The following GALNT15 variants were observed in gnomAD, a reference collection of about 807,000 sequenced individuals.
GALNT15 encodes the protein polypeptide N-acetylgalactosaminyltransferase 15.
Under a neutral mutation model 66.8 loss-of-function variants are expected in GALNT15, and 67 were observed. That is an observed-to-expected ratio of 1.00 (90% CI 0.82 to 1.23). The LOEUF (loss-of-function observed/expected upper bound fraction) is 1.23, where lower values mean the gene tolerates loss of function less well. Among genes scored for constraint, GALNT15 ranks in the 50% most tolerant of loss-of-function variants. The pLI, the probability that GALNT15 is intolerant of heterozygous loss-of-function variation, is 0.00. For synonymous variants in GALNT15, 313 were observed against 311.5 expected (o/e 1.00, Z -0.05); for missense variants, 827 against 804.3 (o/e 1.03, Z -0.34).
the GALNT15 span, among the ~76,000 whole-genome samples, chr3:16,240,545 G>A: frequency 2.0e-5 from 3 of 152,074 alleles, no homozygotes; most frequent in Admixed American, 2.0e-4. Flanking sequence ...TTGCCAAGTG[G>A]GACACAAAAT....
chr3:16,192,819 A>G (rs2063593456), intron 1 of GALNT15, among the ~76,000 whole-genome samples: 1 of 152,244 alleles, frequency 6.6e-6, no homozygotes, highest in East Asian at 1.9e-4. Flanking sequence ...AAAAGTTCAT[A>G]TAAAGTTCAT....
chr3:16,247,886 A>C, the GALNT15 span, among the ~76,000 whole-genome samples: 2 of 152,160 alleles, frequency 1.3e-5, no homozygotes, highest in Non-Finnish European at 2.9e-5. Context: ...CACGTCACCC[A>C]GCACACACAG....
At position 16,200,831 on chromosome 3, in the gene GALNT15, A is replaced by T; in HGVS notation, c.911+8A>T. 6.3e-7 allele frequency: 1 copy of T among 1,593,570 alleles called. No individual in the cohort carries two copies. Among genetic ancestry groups the T allele is most frequent in the African/African-American group, 1.3e-5 (1 of 74,314 alleles). ...CAGAATAGCTGGTGACAGGTAACTT[A>T]TTCCCTGGGCTTGCAAAGCAAGACA... is the stretch of plus-strand genomic sequence containing the variant. On this transcript the variant is annotated splice_region_variant and intron_variant, in intron 3 of 9. Coordinates refer to ENST00000339732, the MANE Select transcript of GALNT15 (RefSeq NM_054110.5). The surrounding 1 kb of genome is among the most constrained non-coding windows in gnomAD (Gnocchi z 4.4).
At position 16,225,501 on chromosome 3, in the gene GALNT15, C is replaced by T. The variant is rs2063998343; in HGVS notation, c.1774-1853C>T. 1.3e-5 allele frequency among the ~76,000 whole-genome samples: 2 copies of T among 152,152 alleles called. No individual in the cohort carries two copies. The highest frequency in any genetic ancestry group is 4.1e-4 in the South Asian group (2 of 4,826). ...CACGAGGTCAGGAGGCTGAGACCAGCCTGGCCAATATGGTGAAACCCCGTT... is the reference window on the plus strand; with the variant it reads ...CACGAGGTCAGGAGGCTGAGACCAGTCTGGCCAATATGGTGAAACCCCGTT... On this transcript the variant is annotated intron_variant, in intron 9 of 9. Transcript: ENST00000339732. The surrounding 1 kb of genome is among the most constrained non-coding windows in gnomAD (Gnocchi z 4.4).
chr3:16,228,431 A>C lies in GALNT15; in HGVS notation c.*931A>C, dbSNP rs2064045992. On this transcript the variant is annotated 3_prime_UTR_variant, in exon 10 of 10. Transcript: ENST00000339732. ...AGAGTTGGGAGGATCACCTGATGTCAGGGGTTTGAGACCAGCCTGGTCAAC... is the reference window on the plus strand; with the variant it reads ...AGAGTTGGGAGGATCACCTGATGTCCGGGGTTTGAGACCAGCCTGGTCAAC... 1 of 771,556 alleles carries C rather than the reference A, an allele frequency of 1.3e-6. No individual in the cohort carries two copies. The highest frequency in any genetic ancestry group is 5.8e-5 in the South Asian group (1 of 17,124). 47.8% of individuals were successfully genotyped at this position (771,556 alleles called of 1,614,324 possible).
chr3:16,228,710 C>A lies in GALNT15; in HGVS notation c.*1210C>A. ...GGGTTTGCACTGACTGGAGCAGAAA[C>A]AGCAACCTTTCTAAAAAAGCAAACC... On this transcript the variant is annotated 3_prime_UTR_variant, in exon 10 of 10. Transcript: ENST00000339732. 1.0e-6 allele frequency: 1 copy of A among 984,900 alleles called. No individual in the cohort carries two copies. The highest frequency in any genetic ancestry group is 1.2e-6 in the Non-Finnish European group (1 of 829,882). 61.0% of individuals were successfully genotyped at this position (984,900 alleles called of 1,614,324 possible).
At position 16,219,272 on chromosome 3, in the gene GALNT15, G is replaced by C. The variant is rs983185008; in HGVS notation, c.1393-131G>C. 2.9e-5 allele frequency: 33 copies of C among 1,128,828 alleles called. No homozygotes were observed. The African/African-American group carries it at 5.1e-4, about 17-fold the overall frequency. 69.9% of individuals were successfully genotyped at this position (1,128,828 alleles called of 1,614,324 possible). On this transcript the variant is annotated intron_variant, in intron 6 of 9. Coordinates refer to ENST00000339732, the MANE Select transcript of GALNT15 (RefSeq NM_054110.5). This position sits in a 1 kb window ranked among gnomAD's most constrained non-coding sequence, Gnocchi z 4.3. ...CATGACCCTCCCCACTGCAGCCCTG[G>C]AGAACTGTGGTCTTGGCCCCTTCCT...
Position 16,175,026 on chromosome 3 carries a change from A to T in GALNT15, c.-126A>T. 1 of 802,700 alleles carries T rather than the reference A, an allele frequency of 1.2e-6. No individual in the cohort carries two copies. Among genetic ancestry groups the T allele is most frequent in the Non-Finnish European group, 2.0e-6 (1 of 507,718 alleles). 49.7% of individuals were successfully genotyped at this position (802,700 alleles called of 1,614,324 possible). On this transcript the variant is annotated 5_prime_UTR_variant, in exon 1 of 10. It removes the in-frame stop codon of an upstream open reading frame in the 5' UTR. Coordinates refer to ENST00000339732, the MANE Select transcript of GALNT15 (RefSeq NM_054110.5). The surrounding 1 kb of genome is among the most constrained non-coding windows in gnomAD (Gnocchi z 5.6). The stretch of plus-strand genomic sequence containing the variant: ...TGTTGGCAAATGTCAGGACCAGGTT[A>T]AGTGACTGGCAGAAAAACTTCCAGG...
chr3:16,205,088 C>T (rs2063743610), intron 3 of GALNT15, among the ~76,000 whole-genome samples: 3 of 152,362 alleles, frequency 2.0e-5, no homozygotes, highest in Admixed American at 6.5e-5. Context: ...ACTTCATACC[C>T]TTCAGCATGA....
rs2063998234 is a variant in GALNT15, at chr3:16,225,497, C to T, written c.1774-1857C>T. On this transcript the variant is annotated intron_variant, in intron 9 of 9. Coordinates refer to ENST00000339732, the MANE Select transcript of GALNT15 (RefSeq NM_054110.5). This position sits in a 1 kb window ranked among gnomAD's most constrained non-coding sequence, Gnocchi z 4.4. ...GGATCACGAGGTCAGGAGGCTGAGA[C>T]CAGCCTGGCCAATATGGTGAAACCC... 6.6e-6 allele frequency among the ~76,000 whole-genome samples: 1 copy of T among 152,148 alleles called. No homozygotes were observed. The highest frequency in any genetic ancestry group is 1.5e-5 in the Non-Finnish European group (1 of 68,034).
At chr3:16,222,845 G>A (rs938991774) in intron 9 of GALNT15, 87 bp downstream of exon 9, 8 of 1,483,138 alleles carry the variant, frequency 5.4e-6, no homozygotes, top group South Asian at 1.2e-5. Flanking sequence ...TCTTCCAAGA[G>A]GTCAGGTATT....
Position 16,222,649 on chromosome 3 carries a change from T to C in GALNT15, c.1664T>C (p.Phe555Ser), listed in dbSNP as rs1256673825. The change falls in exon 9 of 10, where the codon TTT becomes TCT. Residue 555 changes from phenylalanine to serine, a missense_variant. Transcript: ENST00000339732. ...CACACCAGCAGGAAGGAGATTCACT[T>C]TGGCAGCCCACAGCACCTGTGCTTT... The part of the protein sequence containing the change: ...LQHTSRKEIH[F>S]GSPQHLCFAV... 3.1e-6 allele frequency: 5 copies of C among 1,614,114 alleles called. No individual in the cohort carries two copies. Among genetic ancestry groups the C allele is most frequent in the Middle Eastern group, 1.6e-4 (1 of 6,082 alleles).
intron 3 of GALNT15, among the ~76,000 whole-genome samples, chr3:16,208,015 C>T (rs775581838): frequency 6.6e-6 from 1 of 152,162 alleles, no homozygotes; most frequent in Non-Finnish European, 1.5e-5. Context: ...GAGCCTAGGA[C>T]CCGTCTCTGT....
rs1388241623 is a variant in GALNT15, at chr3:16,219,095, C to T, written c.1393-308C>T. On this transcript the variant is annotated intron_variant, in intron 6 of 9. Transcript: ENST00000339732. This position sits in a 1 kb window ranked among gnomAD's most constrained non-coding sequence, Gnocchi z 4.3. ...CCTCCCAAAGTGCTGGAGGTGTGAGCCACCACTCCCGGCCTATTGTAGTCT... is the reference window on the plus strand; with the variant it reads ...CCTCCCAAAGTGCTGGAGGTGTGAGTCACCACTCCCGGCCTATTGTAGTCT... Among the ~76,000 whole-genome samples, 3 of 152,164 alleles carry T rather than the reference C, an allele frequency of 2.0e-5. No homozygotes were observed. Among genetic ancestry groups the T allele is most frequent in the Non-Finnish European group, 4.4e-5 (3 of 68,028 alleles).
chr3:16,205,378 G>A (rs2124877467), intron 3 of GALNT15, among the ~76,000 whole-genome samples: 1 of 152,324 alleles, frequency 6.6e-6, no homozygotes, highest in East Asian at 1.9e-4. Flanking sequence ...GTTAGCTCTT[G>A]AATATCTGGA....
chr3:16,227,849 TA>T lies in GALNT15; in HGVS notation c.*352del. Reference sequence around the variant, plus strand: ...TCTCTGGCAGCACCTCCAGGATACATAAATTCAATGGATCAATTTATTTGTC... The same window carrying T: ...TCTCTGGCAGCACCTCCAGGATACATAATTCAATGGATCAATTTATTTGTC... On this transcript the variant is annotated 3_prime_UTR_variant, in exon 10 of 10. Transcript: ENST00000339732. The surrounding 1 kb of genome is among the most constrained non-coding windows in gnomAD (Gnocchi z 4.5). The T allele has an allele frequency of 9.6e-7, 1 of 1,045,356 alleles. No homozygotes were observed. The highest frequency in any genetic ancestry group is 1.2e-6 in the Non-Finnish European group (1 of 868,844). The allele number at this position is 1,045,356 out of a possible 1,614,324, so 64.8% of individuals were successfully genotyped here.
chr3:16,207,501 TAAAAAAAAAAAAAAA>T (rs36127239), intron 3 of GALNT15, among the ~76,000 whole-genome samples: 908 of 39,794 alleles, frequency 0.023, 82 homozygotes, highest in African/African-American at 0.053. Flanking sequence ...CTCCAGGCTG[TAAAAAAAAAAAAAAA>T]AAAAAAAAAA....
chr3:16,220,324 G>T, intron 8 of GALNT15: 1 of 359,474 alleles, frequency 2.8e-6, no homozygotes, highest in East Asian at 5.5e-5. Context: ...CTAGCCCAGG[G>T]ATTGCAAACT....
intron 6 of GALNT15, among the ~76,000 whole-genome samples, chr3:16,216,334 C>CA (rs2063877276): frequency 1.3e-5 from 2 of 152,022 alleles, no homozygotes; most frequent in Admixed American, 6.6e-5. Context: ...CTTGTGTCTA[C>CA]AAAAAACTAC....
Sources: allele counts gnomAD v4.1 joint callset (sites outside exome capture counted in the v4.1 genomes callset), GRCh38; gene constraint gnomAD v4.1.1; non-coding constraint Gnocchi (gnomAD v3.1); transcripts MANE v1.5; gene names NCBI Gene and HGNC (gene_info 2026-07-23, HGNC 2026-07-21).